Variants in PRXL2B observed in about 807,000 individuals in gnomAD.
PRXL2B encodes the protein peroxiredoxin like 2B.
A neutral mutation model predicts 24.4 loss-of-function variants in PRXL2B; 26 were observed. That is an observed-to-expected ratio of 1.07 (90% confidence interval 0.78 to 1.48). The LOEUF is 1.48. Among genes scored for constraint, PRXL2B ranks in the 40% most tolerant of loss-of-function variants. The pLI is 0.00. For synonymous variants in PRXL2B, 115 were observed against 118.9 expected (o/e 0.97, Z 0.21); for missense variants, 269 against 264.8 (o/e 1.02, Z -0.11).
Position 2,590,984 on chromosome 1 carries a change from C to A in PRXL2B, c.*1557C>A. On this transcript the variant is annotated 3_prime_UTR_variant, in exon 7 of 7. Transcript: ENST00000419916. ...GCGTGGGCCGCACAGCGCGGCAGGG[C>A]CTTGGCTACCACACGCGGCATCGCT... 6.4e-7 allele frequency: 1 copy of A among 1,574,280 alleles called. No individual in the cohort carries two copies.
rs78426182 is a variant in PRXL2B at position 2,588,371 on chromosome 1, C to G, written c.321-19C>G. 2 of 1,614,086 alleles carry G rather than the reference C, an allele frequency of 1.2e-6. No homozygotes were observed. The highest frequency in any genetic ancestry group is 1.7e-6 in the Non-Finnish European group (2 of 1,180,036). On this transcript the variant is annotated intron_variant, in intron 3 of 6. Coordinates refer to ENST00000419916, the MANE Select transcript of PRXL2B (RefSeq NM_152371.5). ...CAGGCTTCTCCGGAGTTTGGCCAAG[C>G]GACCTGGTGTCTTCGCAGGTACAAC...
chr1:2,588,487 G>C (rs756511310), intron 4 of PRXL2B, 34 bp downstream of exon 4: 2 of 1,613,704 alleles, frequency 1.2e-6, no homozygotes, highest in African/African-American at 1.3e-5. Context: ...AGGCCGGGGG[G>C]TGGTGGGAGC....
chr1:2,586,803 G>A lies in PRXL2B; in HGVS notation c.-83G>A. The A allele has an allele frequency of 7.9e-7, 1 of 1,262,218 alleles. No individual in the cohort carries two copies. 78.2% of individuals were successfully genotyped at this position (1,262,218 alleles called of 1,614,324 possible). On this transcript the variant is annotated 5_prime_UTR_variant, in exon 1 of 7. Transcript: ENST00000419916. ...GGGCTTGGGGCTGGATCTATGAGCC[G>A]GGAGCGGGGATCCAGGAGCGAGGAG...
At chr1:2,588,236 G>A (rs1644575558) in intron 3 of PRXL2B, 154 bp from the exon 4 acceptor site, 1 of 937,282 alleles carries the variant, frequency 1.1e-6, no homozygotes, top group Non-Finnish European at 1.6e-6. Context: ...GGGCTGGGCT[G>A]GCTACTGATC....
Position 2,587,243 on chromosome 1 carries a change from G to A in PRXL2B, c.216G>A (p.Gly72=), listed in dbSNP as rs761459834. 1.3e-6 allele frequency: 2 copies of A among 1,577,696 alleles called. No individual in the cohort carries two copies. The highest frequency in any genetic ancestry group is 2.3e-5 in the South Asian group (2 of 87,326). The change falls in exon 2 of 7, where the codon GGG becomes GGA. Residue 72 remains glycine, a synonymous_variant. Transcript: ENST00000419916. This position sits in a 1 kb window ranked among gnomAD's most constrained non-coding sequence, Gnocchi z 6.1. ...ACGGCGTGCGCCTGGTGGGCGTAGG[G>A]CCCGAGGCCCTGGGTCTGCAGGAGT... ...DQHGVRLVGV[G]PEALGLQEFL...
At position 2,586,940 on chromosome 1, in the gene PRXL2B, A is replaced by G; in HGVS notation, c.55A>G (p.Thr19Ala). 3.1e-6 allele frequency: 4 copies of G among 1,307,318 alleles called. No individual in the cohort carries two copies. Among genetic ancestry groups the G allele is most frequent in the Non-Finnish European group, 3.9e-6 (4 of 1,030,790 alleles). 81.0% of individuals were successfully genotyped at this position (1,307,318 alleles called of 1,614,324 possible). A position where few individuals can be genotyped will look rare whatever the true frequency, so the allele number is the denominator to read the frequency against. Reference protein sequence around the residue: ...VGACILKHAVTGEAVELRSLW... With the variant: ...VGACILKHAVAGEAVELRSLW... ...CGCGTGCATCCTGAAGCATGCGGTG[A>G]CCGGGGAGGTGAGGCCGGGTGGACG... Residue 19 changes from threonine (T) to alanine (A), a missense_variant, in exon 1 of 7, where the codon ACC becomes GCC. By Grantham distance (58) the Thr-to-Ala change is moderately conservative. Coordinates refer to ENST00000419916, the MANE Select transcript of PRXL2B (RefSeq NM_152371.5).
rs1196083809 is a variant in PRXL2B at position 2,589,606 on chromosome 1, G to A, written c.*179G>A. On this transcript the variant is annotated 3_prime_UTR_variant, in exon 7 of 7. Transcript: ENST00000419916. The stretch of plus-strand genomic sequence containing the variant: ...TTCCTGACCACGCACTGCTTCGCAG[G>A]CTCCGAGCCCTGCATCCTCCACAGC... 4 of 822,820 alleles carry A rather than the reference G, an allele frequency of 4.9e-6. No individual in the cohort carries two copies. Among genetic ancestry groups the A allele is most frequent in the Non-Finnish European group, 7.7e-6 (4 of 518,932 alleles). 51.0% of individuals were successfully genotyped at this position (822,820 alleles called of 1,614,324 possible).
chr1:2,588,797 C>T, intron 5 of PRXL2B, 125 bp from the exon 6 acceptor site: 1 of 1,195,092 alleles, frequency 8.4e-7, no homozygotes, highest in Non-Finnish European at 1.2e-6. Context: ...GAACAGCTCA[C>T]TCATCTGGGT....
At position 2,587,933 on chromosome 1, in the gene PRXL2B, T is replaced by A; in HGVS notation, c.320+141T>A. On this transcript the variant is annotated intron_variant, in intron 3 of 6. Transcript: ENST00000419916. This position sits in a 1 kb window ranked among gnomAD's most constrained non-coding sequence, Gnocchi z 6.1. ...CTGGGCAAGGCGGCTCTGGTGGCAC[T>A]GTTGACCAGCCCTTCTGCCAGGCCT... is the stretch of plus-strand genomic sequence containing the variant. 1 of 915,598 alleles carries A rather than the reference T, an allele frequency of 1.1e-6. No homozygotes were observed. Among genetic ancestry groups the A allele is most frequent in the Non-Finnish European group, 1.6e-6 (1 of 613,794 alleles). 56.7% of individuals were successfully genotyped at this position (915,598 alleles called of 1,614,324 possible). A position where few individuals can be genotyped will look rare whatever the true frequency, so the allele number is the denominator to read the frequency against.
Position 2,591,372 on chromosome 1 carries a change from T to A in PRXL2B, c.*1945T>A. ...GGTAGGCTCCCCCTTCCTAAACCCT[T>A]AAATGCCCTTAGTCTGTAAGAGAAT... On this transcript the variant is annotated 3_prime_UTR_variant, in exon 7 of 7. Transcript: ENST00000419916. The A allele has an allele frequency of 1.6e-6, 1 of 613,778 alleles. No individual in the cohort carries two copies. The highest frequency in any genetic ancestry group is 2.9e-6 in the Non-Finnish European group (1 of 346,482). 38.0% of individuals were successfully genotyped at this position (613,778 alleles called of 1,614,324 possible). A position where few individuals can be genotyped will look rare whatever the true frequency, so the allele number is the denominator to read the frequency against.
chr1:2,591,099 G>C lies in PRXL2B; in HGVS notation c.*1672G>C. ...CAGCGACCCCAGTACCCTGTGGGTG[G>C]GTGGGTGTGACAGCAGGAGCATTGC... On this transcript the variant is annotated 3_prime_UTR_variant, in exon 7 of 7. Coordinates refer to ENST00000419916, the MANE Select transcript of PRXL2B (RefSeq NM_152371.5). 6.4e-7 allele frequency: 1 copy of C among 1,555,498 alleles called. No homozygotes were observed. The highest frequency in any genetic ancestry group is 2.3e-5 in the East Asian group (1 of 43,576).
intron 3 of PRXL2B, 45 bp from the exon 4 acceptor site, chr1:2,588,345 C>T (rs1384468747): frequency 6.2e-7 from 1 of 1,613,780 alleles, no homozygotes; most frequent in African/African-American, 1.3e-5. Flanking sequence ...GGCTCTGGAC[C>T]CAGGCTTCTC....
In PRXL2B at chr1:2,587,900, G is replaced by A. The variant is rs2100901821; in HGVS notation, c.320+108G>A. ...CTGCCCTCTGTGGTGCTGTCCACTC[G>A]GGCCTTCCTGGGCAAGGCGGCTCTG... On this transcript the variant is annotated intron_variant, in intron 3 of 6. Coordinates refer to ENST00000419916, the MANE Select transcript of PRXL2B (RefSeq NM_152371.5). The surrounding 1 kb of genome is among the most constrained non-coding windows in gnomAD (Gnocchi z 6.1). The A allele has an allele frequency of 4.7e-6, 6 of 1,267,298 alleles. No homozygotes were observed. In the South Asian group the frequency reaches 7.1e-5, roughly 15 times the overall value. 78.5% of individuals were successfully genotyped at this position (1,267,298 alleles called of 1,614,324 possible).
In PRXL2B at chr1:2,587,301, T is replaced by G. The variant is rs1182618788; in HGVS notation, c.268+6T>G. On this transcript the variant is annotated splice_donor_region_variant and intron_variant, in intron 2 of 6. Transcript: ENST00000419916. The surrounding 1 kb of genome is among the most constrained non-coding windows in gnomAD (Gnocchi z 6.1). The stretch of plus-strand genomic sequence containing the variant: ...CGGCGACTACTTCGCGGGAGGTGCG[T>G]CCTGTTCCCCGCCGCGGCGGCGCAC... 1 of 1,558,614 alleles carries G rather than the reference T, an allele frequency of 6.4e-7. No individual in the cohort carries two copies. The highest frequency in any genetic ancestry group is 1.2e-5 in the South Asian group (1 of 85,846).
chr1:2,589,378 A>T, intron 6 of PRXL2B, 32 bp from the exon 7 acceptor site: 1 of 1,611,510 alleles, frequency 6.2e-7, no homozygotes, highest in Middle Eastern at 1.7e-4. Context: ...TCCAGTGTCC[A>T]GCGGCCCCAT....
intron 5 of PRXL2B, 65 bp from the exon 6 acceptor site, chr1:2,588,857 C>A: frequency 6.7e-7 from 1 of 1,496,628 alleles, no homozygotes; most frequent in Non-Finnish European, 9.3e-7. Context: ...CTCCCTCCTC[C>A]TGGTATGTGG....
In PRXL2B at chr1:2,588,590, T is replaced by A; in HGVS notation, c.425T>A (p.Leu142Gln). ...ATCCAGGGGAACTTGTCTGGGGACC[T>A]GCTGCAGAGCGGAGGGCTGCTGGTG... is the stretch of plus-strand genomic sequence containing the variant. ...VGIQGNLSGD[L>Q]LQSGGLLVVS... The change falls in exon 5 of 7, where the codon CTG becomes CAG. Residue 142 changes from leucine (L) to glutamine (Q), a missense_variant. Transcript: ENST00000419916. The A allele has an allele frequency of 6.2e-7, 1 of 1,614,126 alleles. No homozygotes were observed.
At chr1:2,588,812 G>A (rs910999056) in intron 5 of PRXL2B, 110 bp from the exon 6 acceptor site, 7 of 1,245,008 alleles carry the variant, frequency 5.6e-6, no homozygotes, top group African/African-American at 4.4e-5. Flanking sequence ...CTGGGTAGCC[G>A]GGTGGGGGAT....
chr1:2,588,556 G>T lies in PRXL2B; in HGVS notation c.391G>T (p.Ala131Ser). 1 of 1,614,160 alleles carries T rather than the reference G, an allele frequency of 6.2e-7. No homozygotes were observed. The highest frequency in any genetic ancestry group is 8.5e-7 in the Non-Finnish European group (1 of 1,180,018). The change falls in exon 5 of 7, where the codon GCT (alanine) becomes TCT (serine). Residue 131 changes from alanine (A) to serine (S), a missense_variant. Transcript: ENST00000419916. ...PVRDVAAKAK[A>S]VGIQGNLSGD... ...CTGTACCCACTCCTGACAGGCCAAG[G>T]CTGTTGGCATCCAGGGGAACTTGTC...
Sources: gnomAD v4.1 joint callset for allele counts on GRCh38, gnomAD v4.1.1 for gene constraint, Gnocchi (gnomAD v3.1) non-coding constraint, MANE v1.5 for transcripts, NCBI Gene and HGNC (gene_info 2026-07-23, HGNC 2026-07-21) for gene names.